Variants in ZNF365 observed in about 807,000 individuals in gnomAD.
ZNF365 encodes the protein protein ZNF365.
In ZNF365, 22 loss-of-function variants were observed where a neutral mutation model predicts 35.0. The ratio of observed to expected loss-of-function variants is 0.63; its 90% CI spans 0.45 to 0.90. The LOEUF (loss-of-function observed/expected upper bound fraction) is 0.90. ZNF365 is among the 40% of genes least tolerant of loss of function. The pLI is 0.00. For synonymous variants in ZNF365, 188 were observed against 196.2 expected (o/e 0.96, Z 0.35); for missense variants, 448 against 500.3 (o/e 0.90, Z 1.00).
At chr10:62,403,535 G>A (rs570200397), downstream of ZNF365, among the ~76,000 whole-genome samples, 1,697 of 152,272 alleles carry the variant, frequency 0.011, 42 homozygotes, top group African/African-American at 0.039. Flanking sequence ...GCGGGCGCCT[G>A]TAGTCCCAGC....
chr10:62,438,481 C>T (rs1223879831), intron 3 of ZNF365, among the ~76,000 whole-genome samples: 1 of 152,092 alleles, frequency 6.6e-6, no homozygotes. Context: ...AGCTACCATG[C>T]CCAGCCACAT....
chr10:62,478,638 A>G (rs921345348), intron 4 of ZNF365, among the ~76,000 whole-genome samples: 1 of 152,164 alleles, frequency 6.6e-6, no homozygotes, highest in African/African-American at 2.4e-5. Flanking sequence ...CAGTGGCACT[A>G]TCTCCGCTCA....
At chr10:62,375,761 A>G (rs1839312520) in intron 1 of ZNF365, 1 of 164,766 alleles carries the variant, frequency 6.1e-6, no homozygotes, top group Admixed American at 5.6e-5. Flanking sequence ...CCACTTCTGG[A>G]TCTACCACTT....
intron 4 of ZNF365, among the ~76,000 whole-genome samples, chr10:62,461,045 T>C (rs756900481): frequency 1.3e-5 from 2 of 152,228 alleles, no homozygotes; most frequent in African/African-American, 2.4e-5. Context: ...GACTTCCCTG[T>C]GCCTCTACAT....
At chr10:62,399,186 A>T (rs1839781424) in intron 4 of ZNF365, among the ~76,000 whole-genome samples, 1 of 152,202 alleles carries the variant, frequency 6.6e-6, no homozygotes, top group Non-Finnish European at 1.5e-5. Context: ...GCTAGTCGTC[A>T]CTTAACAAGT....
At chr10:62,399,396 C>T in intron 4 of ZNF365, 132 bp from the exon 5 acceptor site, 1 of 1,331,298 alleles carries the variant, frequency 7.5e-7, no homozygotes, top group Non-Finnish European at 1.0e-6. Flanking sequence ...TTATGATTTG[C>T]CTTTGTGGTA....
chr10:62,475,634 G>A (rs1189166575), intron 4 of ZNF365, among the ~76,000 whole-genome samples: 2 of 152,122 alleles, frequency 1.3e-5, no homozygotes, highest in Non-Finnish European at 2.9e-5. Context: ...ACCAAGCTGC[G>A]ACCAGATCCG....
chr10:62,415,566 T>G (rs1006798692), intron 3 of ZNF365, among the ~76,000 whole-genome samples: 3 of 152,208 alleles, frequency 2.0e-5, no homozygotes, highest in East Asian at 1.9e-4. Context: ...TTTCAGGTTT[T>G]GGGCTTAGCT....
At chr10:62,430,309 T>C (rs1174095716) in intron 3 of ZNF365, among the ~76,000 whole-genome samples, 1 of 144,910 alleles carries the variant, frequency 6.9e-6, no homozygotes, top group African/African-American at 2.6e-5. Flanking sequence ...GCCTCCTGAG[T>C]AGCTGGGACT....
chr10:62,451,801 C>T (rs1840687955), intron 3 of ZNF365, among the ~76,000 whole-genome samples: 1 of 152,214 alleles, frequency 6.6e-6, no homozygotes, highest in Non-Finnish European at 1.5e-5. Flanking sequence ...CAGCATCCAG[C>T]TGACGCCACA....
rs1211257544 is a variant in ZNF365, at chr10:62,402,334, T to C, written c.*2545T>C. On this transcript the variant is annotated 3_prime_UTR_variant, in exon 5 of 5. Coordinates refer to ENST00000395254, the MANE Select transcript of ZNF365 (RefSeq NM_014951.3). ...CAAGGTTCAAGTTGCTTAGACATTG[T>C]TTTCCAGTATTCTGCAGGGCCAGTC... The C allele has an allele frequency of 2.6e-5, 26 of 985,616 alleles. No individual in the cohort carries two copies. The highest frequency in any genetic ancestry group is 3.1e-5 in the Non-Finnish European group (26 of 829,928). The allele number at this position is 985,616 out of a possible 1,614,324, so 61.1% of individuals were successfully genotyped here.
intron 3 of ZNF365, among the ~76,000 whole-genome samples, chr10:62,442,733 G>A (rs1322390075): frequency 6.6e-6 from 1 of 152,158 alleles, no homozygotes; most frequent in Non-Finnish European, 1.5e-5. Flanking sequence ...TTTCCAACAA[G>A]GGAAAATATT....
At chr10:62,417,755 G>GGA (rs1840097923) in intron 3 of ZNF365, among the ~76,000 whole-genome samples, 1 of 151,766 alleles carries the variant, frequency 6.6e-6, no homozygotes, top group Non-Finnish European at 1.5e-5. Flanking sequence ...AATACAGCCT[G>GGA]AGTCTCTTAA....
At chr10:62,441,730 A>G (rs961732662) in intron 3 of ZNF365, among the ~76,000 whole-genome samples, 2 of 152,184 alleles carry the variant, frequency 1.3e-5, no homozygotes, top group African/African-American at 2.4e-5. Flanking sequence ...TGGGATCCCT[A>G]CAATGTCCAG....
At chr10:62,393,780 G>A (rs1001116614) in intron 3 of ZNF365, among the ~76,000 whole-genome samples, 3 of 152,170 alleles carry the variant, frequency 2.0e-5, no homozygotes, top group African/African-American at 7.2e-5. Context: ...TTCAAATAAA[G>A]TACAGTTAGA....
rs962626275 is a variant in ZNF365 at position 62,424,339 on chromosome 10, C to A, written c.925-35402C>A. Among the ~76,000 whole-genome samples the A allele has an allele frequency of 3.3e-5, 5 of 152,262 alleles. No homozygotes were observed. In the East Asian group the frequency reaches 9.6e-4, roughly 29 times the overall value. ...GCAGGCACCAGTACCATGTCCAGCT[C>A]TTCTCAACCAGGGTTTTAGGAGAGA... On this transcript the variant is annotated intron_variant, in intron 3 of 4. Coordinates refer to the ZNF365 transcript ENST00000395255.
chr10:62,455,069 T>A (rs138091138), intron 3 of ZNF365, among the ~76,000 whole-genome samples: 278 of 152,266 alleles, frequency 1.8e-3, no homozygotes, highest in African/African-American at 6.3e-3. Context: ...GCAGGCAAGG[T>A]TAGAATAAGA....
At chr10:62,421,566 T>C (rs1272606815) in intron 3 of ZNF365, among the ~76,000 whole-genome samples, 1 of 152,166 alleles carries the variant, frequency 6.6e-6, no homozygotes, top group African/African-American at 2.4e-5. Context: ...CCTGAAAGCA[T>C]GGTTGAAATA....
chr10:62,480,185 G>A (rs1336884766), exon 5 of ZNF365: 1 of 1,160,176 alleles, frequency 8.6e-7, no homozygotes, highest in African/African-American at 1.6e-5. Flanking sequence ...GCAAGTAGAA[G>A]ATGCTTCAGA....
Sources: gnomAD v4.1 joint callset for allele counts (sites outside exome capture counted in the v4.1 genomes callset) on GRCh38, gnomAD v4.1.1 for gene constraint, MANE v1.5 for transcripts, NCBI Gene and HGNC (gene_info 2026-07-23, HGNC 2026-07-21) for gene names.